The following GLRA1 variants were observed in gnomAD, a reference collection of about 807,000 sequenced individuals.
GLRA1 encodes the protein glycine receptor alpha 1, also known as glycine receptor subunit alpha-1.
Under a neutral mutation model 48.3 loss-of-function variants are expected in GLRA1, and 37 were observed. That is an observed-to-expected ratio of 0.77 (90% CI 0.59 to 1.01). The LOEUF (loss-of-function observed/expected upper bound fraction) is 1.01, where lower values mean the gene tolerates loss of function less well. GLRA1 is among the 50% of genes least tolerant of loss of function. GLRA1 has a pLI of 0.00. For synonymous variants in GLRA1, 196 were observed against 210.7 expected (o/e 0.93, Z 0.60); for missense variants, 427 against 571.0 (o/e 0.75, Z 2.57).
At chr5:151,893,438 C>G (rs892303204) in intron 1 of GLRA1, among the ~76,000 whole-genome samples, 1 of 151,558 alleles carries the variant, frequency 6.6e-6, no homozygotes, top group Non-Finnish European at 1.5e-5. Flanking sequence ...GTTTGCTGCA[C>G]CTATCAACTT....
intron 3 of GLRA1, among the ~76,000 whole-genome samples, chr5:151,874,339 A>G (rs1753570872): frequency 6.6e-6 from 1 of 152,242 alleles, no homozygotes; most frequent in African/African-American, 2.4e-5. Context: ...AAATACCAAC[A>G]TTATGCAATA....
intron 1 of GLRA1, among the ~76,000 whole-genome samples, chr5:151,897,986 G>T (rs1754263879): frequency 1.3e-5 from 2 of 152,146 alleles, no homozygotes; most frequent in African/African-American, 2.4e-5. Context: ...GTACTTAAAG[G>T]ACCTCAGATG....
chr5:151,867,691 A>T (rs1210347180), intron 3 of GLRA1, among the ~76,000 whole-genome samples: 2 of 152,214 alleles, frequency 1.3e-5, no homozygotes, highest in African/African-American at 4.8e-5. Context: ...CAGGGAGATT[A>T]AGTGCTTTTT....
chr5:151,910,085 G>T (rs999092543), intron 1 of GLRA1, among the ~76,000 whole-genome samples: 3 of 152,102 alleles, frequency 2.0e-5, no homozygotes, highest in African/African-American at 7.2e-5. Flanking sequence ...TGTGGGAAAA[G>T]CAACTTCCAT....
At chr5:151,898,616 G>C (rs1754282328) in intron 1 of GLRA1, among the ~76,000 whole-genome samples, 1 of 152,238 alleles carries the variant, frequency 6.6e-6, no homozygotes. Context: ...GGATGGAAAA[G>C]GGGGAGGAAA....
chr5:151,905,131 C>T (rs1192160416), intron 1 of GLRA1, among the ~76,000 whole-genome samples: 1 of 152,056 alleles, frequency 6.6e-6, no homozygotes, highest in Non-Finnish European at 1.5e-5. Context: ...TGGCTGGTTG[C>T]CCTCAGACCA....
At chr5:151,912,701 G>C (rs1342233597) in intron 1 of GLRA1, among the ~76,000 whole-genome samples, 1 of 152,098 alleles carries the variant, frequency 6.6e-6, no homozygotes, top group Non-Finnish European at 1.5e-5. Flanking sequence ...AGGCATTTGG[G>C]GACAAAGCAA....
chr5:151,875,994 C>T (rs1292394796), intron 3 of GLRA1, among the ~76,000 whole-genome samples: 2 of 152,208 alleles, frequency 1.3e-5, no homozygotes, highest in South Asian at 2.1e-4. Context: ...TCCCATAATT[C>T]ACTAACCAAA....
At chr5:151,823,475 C>T (rs1330054086) in intron 8 of GLRA1, among the ~76,000 whole-genome samples, 1 of 152,180 alleles carries the variant, frequency 6.6e-6, no homozygotes, top group Non-Finnish European at 1.5e-5. Flanking sequence ...TCTTCCCCAT[C>T]CCATTCCCCA....
intron 1 of GLRA1, among the ~76,000 whole-genome samples, chr5:151,914,272 G>T (rs1225372298): frequency 6.6e-6 from 1 of 152,196 alleles, no homozygotes; most frequent in East Asian, 1.9e-4. Context: ...CACAGGCCAT[G>T]TCAGGGGTGA....
chr5:151,899,926 T>G (rs1286278054), intron 1 of GLRA1, among the ~76,000 whole-genome samples: 2 of 152,076 alleles, frequency 1.3e-5, no homozygotes, highest in African/African-American at 2.4e-5. Context: ...GAAGCACATG[T>G]ATTTGAACAT....
At chr5:151,924,233 A>C (rs1754949937) in intron 1 of GLRA1, among the ~76,000 whole-genome samples, 1 of 150,538 alleles carries the variant, frequency 6.6e-6, no homozygotes, top group South Asian at 2.1e-4. Context: ...GGACAAACAA[A>C]CCGTAAGAAA....
intron 1 of GLRA1, among the ~76,000 whole-genome samples, chr5:151,893,586 A>T (rs1386450096): frequency 1.3e-5 from 2 of 151,882 alleles, no homozygotes; most frequent in Non-Finnish European, 2.9e-5. Context: ...TTCAACTCCC[A>T]CTTATGAGTG....
At chr5:151,913,683 G>A (rs1754671166) in intron 1 of GLRA1, among the ~76,000 whole-genome samples, 5 of 152,188 alleles carry the variant, frequency 3.3e-5, no homozygotes, top group Admixed American at 3.3e-4. Flanking sequence ...TAAAACAGAA[G>A]CAGCTTACTA....
chr5:151,851,496 G>C lies in GLRA1; in HGVS notation c.806C>G (p.Ser269Cys). 1 of 1,613,786 alleles carries C rather than the reference G, an allele frequency of 6.2e-7. No homozygotes were observed. ...TGCAGCATCCATGTTGATCCAGAAGGAGATCCATGAGAGGATGACAATGAG... is the reference window on the plus strand; with the variant it reads ...TGCAGCATCCATGTTGATCCAGAAGCAGATCCATGAGAGGATGACAATGAG... ...SLLIVILSWI[S>C]FWINMDAAPA... is the part of the protein sequence containing the mutation. The change falls in exon 7 of 9, where the codon TCC (serine) becomes TGC (cysteine). Residue 269 changes from serine (S) to cysteine (C), a missense_variant. Physicochemically the swap from Ser to Cys is moderately radical, Grantham distance 112. Transcript: ENST00000274576.
rs552112888 is a variant in GLRA1 at position 151,894,385 on chromosome 5, A to T, written c.57-1947T>A. On this transcript the variant is annotated intron_variant, in intron 1 of 8. Transcript: ENST00000274576. The stretch of plus-strand genomic sequence containing the variant: ...TTGCAAACATTTGTGGGATGCATTT[A>T]TCTCAATGTTCTGCCAGTGTCTCAA... Among the ~76,000 whole-genome samples the T allele has an allele frequency of 1.3e-4, 20 of 152,308 alleles. No homozygotes were observed. The South Asian group carries it at 4.1e-3, about 32-fold the overall frequency.
intron 8 of GLRA1, among the ~76,000 whole-genome samples, chr5:151,825,839 C>T (rs1263608706): frequency 6.6e-6 from 1 of 152,200 alleles, no homozygotes; most frequent in Non-Finnish European, 1.5e-5. Flanking sequence ...TAGTTCCTCT[C>T]CACTCACCAT....
At chr5:151,919,667 G>T (rs925025708) in intron 1 of GLRA1, among the ~76,000 whole-genome samples, 1 of 152,250 alleles carries the variant, frequency 6.6e-6, no homozygotes, top group Admixed American at 6.5e-5. Context: ...AGCTAAAAGT[G>T]ATTTTAGAAC....
At chr5:151,838,933 G>T (rs1006481883) in intron 7 of GLRA1, among the ~76,000 whole-genome samples, 9 of 152,112 alleles carry the variant, frequency 5.9e-5, no homozygotes, top group Non-Finnish European at 1.3e-4. Context: ...GAGTGCAGTG[G>T]CTAGATCTCT....
Sources: allele counts gnomAD v4.1 joint callset (sites outside exome capture counted in the v4.1 genomes callset), GRCh38; gene constraint gnomAD v4.1.1; transcripts MANE v1.5; gene names NCBI Gene and HGNC (gene_info 2026-07-23, HGNC 2026-07-21).